Variants in RAD50 observed in about 807,000 individuals in gnomAD.
The protein encoded by RAD50 is DNA repair protein RAD50.
Under a neutral mutation model 168.8 loss-of-function variants are expected in RAD50, and 132 were observed. The ratio of observed to expected loss-of-function variants is 0.78; its 90% CI spans 0.68 to 0.90. The LOEUF (loss-of-function observed/expected upper bound fraction) is 0.90, where lower values mean the gene tolerates loss of function less well. Ranked by LOEUF, RAD50 falls within the 40% of genes least tolerant of loss-of-function variation. The pLI is 0.00. For synonymous variants in RAD50, 525 were observed against 497.4 expected, an observed-to-expected ratio of 1.06 and a Z score of -0.74; for missense variants, 1,347 against 1,534.4, an observed-to-expected ratio of 0.88 and a Z score of 2.04.
Position 132,557,463 on chromosome 5 carries a change from C to A in RAD50, c.129+10C>A, listed in dbSNP as rs570876192. ...TGGGGCGGGAAAGACGGTAAGTCTTCAGTAGCCGCCTTCAGTTTACAGGTC... is the reference window on the plus strand; with the variant it reads ...TGGGGCGGGAAAGACGGTAAGTCTTAAGTAGCCGCCTTCAGTTTACAGGTC... On this transcript the variant is annotated intron_variant, in intron 1 of 24. Coordinates refer to ENST00000378823, the MANE Select transcript of RAD50 (RefSeq NM_005732.4). 2.9e-5 allele frequency: 46 copies of A among 1,614,000 alleles called. No homozygotes were observed. Among genetic ancestry groups the A allele is most frequent in the Non-Finnish European group, 3.8e-5 (45 of 1,179,936 alleles).
chr5:132,562,641 A>G (rs1320288146), intron 2 of RAD50, among the ~76,000 whole-genome samples: 1 of 152,122 alleles, frequency 6.6e-6, no homozygotes, highest in Non-Finnish European at 1.5e-5. Flanking sequence ...TTAAATATCC[A>G]AAGGAGATGT....
chr5:132,573,897 T>A (rs547512550), intron 2 of RAD50, among the ~76,000 whole-genome samples: 2 of 152,348 alleles, frequency 1.3e-5, no homozygotes, highest in South Asian at 4.1e-4. Context: ...TCCAGGTCAC[T>A]CTGATGCAAG....
At chr5:132,611,356 A>G (rs1239101094) in intron 19 of RAD50, among the ~76,000 whole-genome samples, 2 of 151,322 alleles carry the variant, frequency 1.3e-5, no homozygotes, top group Non-Finnish European at 2.9e-5. Context: ...ACACCATTGC[A>G]CTTCAGCCTG....
In RAD50 at chr5:132,642,512, A is replaced by AAAATCATGAAACTTGT; in HGVS notation, c.*149_*164dup. On this transcript the variant is annotated 3_prime_UTR_variant, in exon 25 of 25. Coordinates refer to ENST00000378823, the MANE Select transcript of RAD50 (RefSeq NM_005732.4). Reference sequence around the variant, plus strand: ...AGGATTTTGGATGTTGAGAGGTTCTAAAATCATGAAACTTGTTTCACTGAA... The same window carrying AAAATCATGAAACTTGT: ...AGGATTTTGGATGTTGAGAGGTTCTAAAATCATGAAACTTGTAAATCATGAAACTTGTTTCACTGAA... The AAAATCATGAAACTTGT allele has an allele frequency of 1.3e-6, 1 of 769,444 alleles. No homozygotes were observed. The highest frequency in any genetic ancestry group is 1.8e-5 in the African/African-American group (1 of 56,924). 47.7% of individuals were successfully genotyped at this position (769,444 alleles called of 1,614,324 possible). A position where few individuals can be genotyped will look rare whatever the true frequency, so the allele number is the denominator to read the frequency against.
chr5:132,619,079 T>G (rs1028753506), intron 21 of RAD50, among the ~76,000 whole-genome samples: 1 of 152,240 alleles, frequency 6.6e-6, no homozygotes, highest in Non-Finnish European at 1.5e-5. Context: ...GTTGATTCAT[T>G]TTCACTGATG....
chr5:132,604,023 A>G lies in RAD50; in HGVS notation c.2501A>G (p.Glu834Gly), dbSNP rs541233049. The change falls in exon 15 of 25, where the codon GAG (glutamate) becomes GGG (glycine). Residue 834 changes from glutamate to glycine, a missense_variant. Around this residue, in one of 3 missense-constraint regions of RAD50, gnomAD observed 635 missense variants for 739.2 expected, o/e 0.86. Transcript: ENST00000378823. The stretch of plus-strand genomic sequence containing the variant: ...CAACAAGTCAACCAGGAGAAACAAG[A>G]GAAACAGCACAAGTTAGACACAGGT... ...TVQQVNQEKQEKQHKLDTVSS... is the reference protein window; with the variant it reads ...TVQQVNQEKQGKQHKLDTVSS... 7 of 1,613,796 alleles carry G rather than the reference A, an allele frequency of 4.3e-6. No individual in the cohort carries two copies. The East Asian group carries it at 1.3e-4, about 31-fold the overall frequency.
chr5:132,558,541 T>G lies in RAD50; in HGVS notation c.130-743T>G, dbSNP rs144157016. 5.6e-3 allele frequency among the ~76,000 whole-genome samples: 855 copies of G among 151,834 alleles called. 9 individuals are homozygous for G. The highest frequency in any genetic ancestry group is 0.019 in the African/African-American group (807 of 41,396). On this transcript the variant is annotated intron_variant, in intron 1 of 24. Coordinates refer to ENST00000378823, the MANE Select transcript of RAD50 (RefSeq NM_005732.4). ...GCCTGGCCAACGTGGCGAAACCCCA[T>G]CTCTAATAAAAATACAAAAATTAGC...
At chr5:132,628,427 A>G (rs948321901) in intron 21 of RAD50, among the ~76,000 whole-genome samples, 2 of 152,256 alleles carry the variant, frequency 1.3e-5, no homozygotes, top group Non-Finnish European at 1.5e-5. Flanking sequence ...GTCAAATAAG[A>G]TAAGGACTAA....
intron 3 of RAD50, among the ~76,000 whole-genome samples, chr5:132,577,535 AG>A (rs1211421063): frequency 1.3e-5 from 2 of 152,214 alleles, no homozygotes; most frequent in African/African-American, 4.8e-5. Flanking sequence ...TTCTTTTTCT[AG>A]ACCTCCATGA....
rs748417942 is a variant in RAD50 at position 132,579,401 on chromosome 5, G to A, written c.450G>A (p.Val150=). Residue 150 remains valine, a synonymous_variant, in exon 4 of 25, where the codon GTG becomes GTA. Coordinates refer to ENST00000378823, the MANE Select transcript of RAD50 (RefSeq NM_005732.4). ...GTTCTCTTGGGGTTTCCAAGGCTGT[G>A]CTAAATAATGTCATTTTCTGTCATC... ...MISSLGVSKA[V]LNNVIFCHQE... is the part of the protein sequence containing the mutation. The A allele has an allele frequency of 1.9e-6, 3 of 1,613,714 alleles. No homozygotes were observed. The East Asian group carries it at 6.7e-5, about 36-fold the overall frequency.
intron 16 of RAD50, among the ~76,000 whole-genome samples, chr5:132,607,275 C>A (rs942317970): frequency 6.6e-6 from 1 of 152,154 alleles, no homozygotes; most frequent in Non-Finnish European, 1.5e-5. Context: ...TTTGTCTTAT[C>A]TGCAGATCCT....
chr5:132,606,772 C>T (rs927751905), intron 16 of RAD50, among the ~76,000 whole-genome samples: 4 of 152,154 alleles, frequency 2.6e-5, no homozygotes, highest in African/African-American at 9.7e-5. Context: ...TTATCCACCA[C>T]GATCAAGTCG....
intron 21 of RAD50, among the ~76,000 whole-genome samples, chr5:132,631,556 A>G (rs1468782409): frequency 1.3e-5 from 2 of 152,180 alleles, no homozygotes; most frequent in East Asian, 3.8e-4. Flanking sequence ...CTTGACCATA[A>G]CAGTTTGCAG....
In RAD50 at chr5:132,615,991, G is replaced by A. The variant is rs898175667; in HGVS notation, c.3037-12G>A. The A allele has an allele frequency of 4.5e-6, 7 of 1,572,406 alleles. No homozygotes were observed. The highest frequency in any genetic ancestry group is 2.7e-5 in the African/African-American group (2 of 73,890). On this transcript the variant is annotated splice_polypyrimidine_tract_variant and intron_variant, in intron 19 of 24. Coordinates refer to ENST00000378823, the MANE Select transcript of RAD50 (RefSeq NM_005732.4). Reference sequence around the variant, plus strand: ...GGTTATTTTTGTTAACTAATTTAATGTTTACCTTTAGATACAAGAAAGGTG... The same window carrying A: ...GGTTATTTTTGTTAACTAATTTAATATTTACCTTTAGATACAAGAAAGGTG...
Position 132,591,495 on chromosome 5 carries a change from A to G in RAD50, c.1635+89A>G, listed in dbSNP as rs1750699855. 2.3e-6 allele frequency: 3 copies of G among 1,304,172 alleles called. No individual in the cohort carries two copies. In the South Asian group the frequency reaches 3.8e-5, roughly 16 times the overall value. 80.8% of individuals were successfully genotyped at this position (1,304,172 alleles called of 1,614,324 possible). A position where few individuals can be genotyped will look rare whatever the true frequency, so the allele number is the denominator to read the frequency against. ...ATAAGTCATAGACTATAAGGTATTA[A>G]GTTGGTATTGACTATATTTTAGAGG... On this transcript the variant is annotated intron_variant, in intron 10 of 24. Transcript: ENST00000378823.
At chr5:132,561,286 T>C (rs1270759619) in intron 2 of RAD50, among the ~76,000 whole-genome samples, 6 of 152,100 alleles carry the variant, frequency 3.9e-5, no homozygotes, top group Non-Finnish European at 7.4e-5. Context: ...CCTCTGTCTC[T>C]CAGGTTCAAG....
chr5:132,578,528 T>C (rs1372347230), intron 3 of RAD50, among the ~76,000 whole-genome samples: 16 of 132,740 alleles, frequency 1.2e-4, no homozygotes, highest in South Asian at 2.3e-4. Flanking sequence ...TTCTTTCTTT[T>C]TTTTTTTTTT....
chr5:132,629,642 C>T (rs923889454), intron 21 of RAD50, among the ~76,000 whole-genome samples: 7 of 152,070 alleles, frequency 4.6e-5, no homozygotes, highest in African/African-American at 9.7e-5. Context: ...TACGGTGAGC[C>T]CTAAATTTGC....
At chr5:132,567,269 CTG>C (rs1208832725) in intron 2 of RAD50, among the ~76,000 whole-genome samples, 1 of 151,904 alleles carries the variant, frequency 6.6e-6, no homozygotes, top group Non-Finnish European at 1.5e-5. Flanking sequence ...AGATGAATAA[CTG>C]TAACACTGGA....
Sources: allele counts gnomAD v4.1 joint callset (sites outside exome capture counted in the v4.1 genomes callset), GRCh38; gene constraint gnomAD v4.1.1; regional missense constraint gnomAD v4.1.1; transcripts MANE v1.5; gene names NCBI Gene and HGNC (gene_info 2026-07-23, HGNC 2026-07-21).